The following HCLS1 variants were observed in gnomAD, a reference collection of about 807,000 sequenced individuals.
HCLS1 encodes hematopoietic lineage cell-specific protein.
Under a neutral mutation model 68.6 loss-of-function variants are expected in HCLS1, and 44 were observed. The observed-to-expected ratio is 0.64, with a 90% CI of 0.50 to 0.82. The LOEUF is 0.82. Among genes scored for constraint, HCLS1 ranks in the 40% least tolerant of loss-of-function variants. HCLS1 has a pLI of 0.00. For missense variants in HCLS1, 602 were observed against 612.1 expected (o/e 0.98, Z 0.17); for synonymous variants, 217 against 225.8 (o/e 0.96, Z 0.35).
At chr3:121,644,523 C>T (rs1455405259) in intron 5 of HCLS1, 1 of 475,676 alleles carries the variant, frequency 2.1e-6, no homozygotes, top group Non-Finnish European at 4.0e-6. Context: ...ATTCTCTGTT[C>T]TATCTTCATG....
intron 13 of HCLS1, 23 bp downstream of exon 13, chr3:121,632,078 T>C: frequency 6.2e-7 from 1 of 1,613,306 alleles, no homozygotes; most frequent in Non-Finnish European, 8.5e-7. Context: ...TGTACCAGGC[T>C]CCTCGGGCCA....
At chr3:121,645,657 G>A (rs891688792) in intron 4 of HCLS1, among the ~76,000 whole-genome samples, 1 of 151,794 alleles carries the variant, frequency 6.6e-6, no homozygotes, top group African/African-American at 2.4e-5. Context: ...TTTCTGCCAT[G>A]TATATCTTAT....
chr3:121,647,102 C>T (rs909068836), intron 4 of HCLS1, among the ~76,000 whole-genome samples: 4 of 148,194 alleles, frequency 2.7e-5, no homozygotes, highest in African/African-American at 9.8e-5. Flanking sequence ...CTGCCTCAGC[C>T]TCCTGAGTAG....
At chr3:121,646,536 T>A (rs1222550373) in intron 4 of HCLS1, among the ~76,000 whole-genome samples, 1 of 109,338 alleles carries the variant, frequency 9.1e-6, no homozygotes, top group African/African-American at 3.8e-5. Context: ...TATAAGTATA[T>A]AAGTATATAT....
chr3:121,642,916 A>G lies in HCLS1; in HGVS notation c.454+11T>C. The G allele has an allele frequency of 2.5e-6, 4 of 1,607,470 alleles. No individual in the cohort carries two copies. The highest frequency in any genetic ancestry group is 2.2e-5 in the East Asian group (1 of 44,842). On this transcript the variant is annotated intron_variant, in intron 6 of 13. Transcript: ENST00000314583. ...AGATTGCTGAGGCTGAGTGAAGTACAGTGTCCTTGCCTTTCTGAGATGTGT... is the reference window on the plus strand; with the variant it reads ...AGATTGCTGAGGCTGAGTGAAGTACGGTGTCCTTGCCTTTCTGAGATGTGT...
chr3:121,650,856 G>A (rs1937734158), intron 3 of HCLS1, among the ~76,000 whole-genome samples: 1 of 152,144 alleles, frequency 6.6e-6, no homozygotes, highest in Non-Finnish European at 1.5e-5. Context: ...ATGAAAAAGT[G>A]GCCAGGTGTG....
intron 3 of HCLS1, among the ~76,000 whole-genome samples, chr3:121,652,569 A>G (rs1465873355): frequency 6.6e-6 from 1 of 152,154 alleles, no homozygotes; most frequent in Non-Finnish European, 1.5e-5. Flanking sequence ...TAGGAGAATC[A>G]CTTGAAGCTG....
chr3:121,659,098 G>T (rs1487661958), intron 1 of HCLS1, among the ~76,000 whole-genome samples: 5 of 152,148 alleles, frequency 3.3e-5, no homozygotes, highest in Non-Finnish European at 7.4e-5. Flanking sequence ...AAAGAAAAAA[G>T]AATAATATGT....
At chr3:121,646,386 A>ATTATAGTAT (rs1937605411) in intron 4 of HCLS1, among the ~76,000 whole-genome samples, 1 of 89,510 alleles carries the variant, frequency 1.1e-5, no homozygotes, top group African/African-American at 4.3e-5. Flanking sequence ...ACTATGTAAT[A>ATTATAGTAT]TATTACTATG....
At chr3:121,648,066 T>A (rs922744776) in intron 3 of HCLS1, among the ~76,000 whole-genome samples, 2 of 152,218 alleles carry the variant, frequency 1.3e-5, no homozygotes, top group Non-Finnish European at 2.9e-5. Flanking sequence ...AATATAATGC[T>A]TATAAAAACA....
At chr3:121,649,613 C>T (rs1252994959) in intron 3 of HCLS1, among the ~76,000 whole-genome samples, 1 of 152,126 alleles carries the variant, frequency 6.6e-6, no homozygotes, top group Non-Finnish European at 1.5e-5. Context: ...TACTGTTAGG[C>T]TCTGAGGACA....
chr3:121,632,211 G>T lies in HCLS1; in HGVS notation c.1241-27C>A, dbSNP rs375804712. 157 of 1,611,210 alleles carry T rather than the reference G, an allele frequency of 9.7e-5. 1 individual carries two copies. Among genetic ancestry groups the T allele is most frequent in the Non-Finnish European group, 1.3e-4 (155 of 1,178,016 alleles). ...TGCATAATGAGAAACACAAACATGG[G>T]ATCATCAACATGAAGAAGGCAAACA... On this transcript the variant is annotated intron_variant, in intron 12 of 13. Transcript: ENST00000314583.
chr3:121,658,102 C>G, intron 2 of HCLS1, 162 bp downstream of exon 2: 1 of 635,968 alleles, frequency 1.6e-6, no homozygotes, highest in Non-Finnish European at 2.9e-6. Flanking sequence ...CGTGCATGCC[C>G]CACAGGTGAC....
rs2049100471 is a variant in HCLS1 at position 121,631,851 on chromosome 3, C to G, written c.1456G>C (p.Glu486Gln). 8 of 1,613,986 alleles carry G rather than the reference C, an allele frequency of 5.0e-6. No individual in the cohort carries two copies. The Admixed American group carries it at 1.3e-4, about 27-fold the overall frequency. Residue 486 changes from glutamate to glutamine, a missense_variant, in exon 14 of 14, where the codon GAG (glutamate) becomes CAG (glutamine). Coordinates refer to ENST00000314583, the MANE Select transcript of HCLS1 (RefSeq NM_005335.6). ...LFPANYVKLL[E>Q] ...CAGTAGACAGTGAGCTCTAGTCACTCCAGAAGCTTGACATAATTTGCAGGG... is the reference window on the plus strand; with the variant it reads ...CAGTAGACAGTGAGCTCTAGTCACTGCAGAAGCTTGACATAATTTGCAGGG...
intron 3 of HCLS1, among the ~76,000 whole-genome samples, chr3:121,652,294 GTTATA>G (rs960996940): frequency 3.3e-5 from 5 of 152,106 alleles, no homozygotes; most frequent in Admixed American, 1.3e-4. Context: ...TGCATTGGTG[GTTATA>G]TTATATATAT....
chr3:121,650,946 G>T (rs1937737312), intron 3 of HCLS1, among the ~76,000 whole-genome samples: 1 of 152,110 alleles, frequency 6.6e-6, no homozygotes, highest in African/African-American at 2.4e-5. Flanking sequence ...GACCAGCCTA[G>T]CCACTATGGT....
rs991047940 is a variant in HCLS1, at chr3:121,657,061, A to G, written c.158+218T>C. On this transcript the variant is annotated intron_variant, in intron 3 of 13. Coordinates refer to ENST00000314583, the MANE Select transcript of HCLS1 (RefSeq NM_005335.6). ...GAGTTGTTAGGTATAAAAGATAGAT[A>G]ATAGGGTTGAGGAGGGTAAGAGGAG... 7 of 456,116 alleles carry G rather than the reference A, an allele frequency of 1.5e-5. No individual in the cohort carries two copies. In the East Asian group the frequency reaches 2.3e-4, roughly 15 times the overall value. The allele number at this position is 456,116 out of a possible 1,614,324, so 28.3% of individuals were successfully genotyped here. A position where few individuals can be genotyped will look rare whatever the true frequency, so the allele number is the denominator to read the frequency against.
chr3:121,640,326 G>A (rs949280990), intron 6 of HCLS1, among the ~76,000 whole-genome samples: 4 of 152,268 alleles, frequency 2.6e-5, no homozygotes, highest in African/African-American at 9.6e-5. Context: ...TTCCCTGGAT[G>A]AGGTACTTAC....
At chr3:121,635,093 G>T (rs778816753) in intron 9 of HCLS1, among the ~76,000 whole-genome samples, 3 of 151,916 alleles carry the variant, frequency 2.0e-5, no homozygotes, top group Non-Finnish European at 4.4e-5. Context: ...CCTCACCAAT[G>T]TTCCCATGCC....
Sources: gnomAD v4.1 joint callset for allele counts (sites outside exome capture counted in the v4.1 genomes callset) on GRCh38, gnomAD v4.1.1 for gene constraint, MANE v1.5 for transcripts, NCBI Gene and HGNC (gene_info 2026-07-23, HGNC 2026-07-21) for gene names.